The following TCF4 variants were observed in gnomAD, a reference collection of about 807,000 sequenced individuals.
TCF4 encodes the protein SL3-3 enhancer factor 2.
A neutral mutation model predicts 82.1 loss-of-function variants in TCF4; 3 were observed. The ratio of observed to expected loss-of-function variants is 0.04; its 90% CI spans 0.02 to 0.09. TCF4 has a LOEUF of 0.09. Among genes scored for constraint, TCF4 ranks in the 10% least tolerant of loss-of-function variants. The probability of loss-of-function intolerance (pLI) is 1.00; values close to 1 mark genes in which losing one functional copy is unlikely to be tolerated. For missense variants in TCF4, 518 were observed against 852.7 expected (o/e 0.61, Z 4.89); for synonymous variants, 276 against 309.6 (o/e 0.89, Z 1.14).
intron 2 of TCF4, among the ~76,000 whole-genome samples, chr18:55,599,413 A>G (rs2097694371): frequency 1.3e-5 from 2 of 152,104 alleles, no homozygotes; most frequent in Non-Finnish European, 2.9e-5. Context: ...CTTAACACAA[A>G]AACTTGAGAA....
chr18:55,558,844 A>G (rs1412860845), intron 3 of TCF4, among the ~76,000 whole-genome samples: 1 of 152,108 alleles, frequency 6.6e-6, no homozygotes, highest in Non-Finnish European at 1.5e-5. Flanking sequence ...AGTGACTTTA[A>G]TGCATTCTAG....
At chr18:55,398,032 C>T (rs1320617964) in intron 6 of TCF4, among the ~76,000 whole-genome samples, 6 of 152,098 alleles carry the variant, frequency 3.9e-5, no homozygotes, top group Non-Finnish European at 8.8e-5. Flanking sequence ...GCTCGATTTT[C>T]CCCGTTAACA....
In TCF4 at chr18:55,574,299, A is replaced by T. The variant is rs2097506056; in HGVS notation, c.145+10981T>A. Among the ~76,000 whole-genome samples, 5 of 152,140 alleles carry T rather than the reference A, an allele frequency of 3.3e-5. No homozygotes were observed. In the South Asian group the frequency reaches 1.0e-3, roughly 32 times the overall value. On this transcript the variant is annotated intron_variant, in intron 3 of 19. Transcript: ENST00000354452. ...ATATTTGAAAAGTGTCCTTTGAAAA[A>T]GTATACTTGCATATTTCAACATATT...
chr18:55,460,826 G>A (rs2095856640), intron 5 of TCF4, among the ~76,000 whole-genome samples, 193 bp downstream of exon 5: 1 of 152,140 alleles, frequency 6.6e-6, no homozygotes, highest in Non-Finnish European at 1.5e-5. Context: ...CCATATGCTT[G>A]TAAAACTTAA....
At chr18:55,290,357 T>C (rs1333590309) in intron 8 of TCF4, among the ~76,000 whole-genome samples, 2 of 152,168 alleles carry the variant, frequency 1.3e-5, no homozygotes, top group Non-Finnish European at 2.9e-5. Flanking sequence ...CCTACATCCC[T>C]GAAAGAGTTT....
At chr18:55,480,660 G>A (rs994544600) in intron 3 of TCF4, among the ~76,000 whole-genome samples, 4 of 152,270 alleles carry the variant, frequency 2.6e-5, no homozygotes, top group African/African-American at 9.6e-5. Context: ...TGTAAGGCGT[G>A]GCCCTGTTCC....
intron 3 of TCF4, among the ~76,000 whole-genome samples, chr18:55,572,737 C>T (rs904927446): frequency 6.6e-6 from 1 of 152,106 alleles, no homozygotes; most frequent in African/African-American, 2.4e-5. Context: ...ATGTTTACTG[C>T]TCATAAGAAC....
At chr18:55,438,545 T>C (rs1370438997) in intron 5 of TCF4, among the ~76,000 whole-genome samples, 1 of 152,190 alleles carries the variant, frequency 6.6e-6, no homozygotes, top group African/African-American at 2.4e-5. Context: ...GTCTAACAGC[T>C]TTCAGAGACA....
chr18:55,630,449 T>C (rs2097730484), intron 2 of TCF4, among the ~76,000 whole-genome samples: 1 of 152,174 alleles, frequency 6.6e-6, no homozygotes, highest in African/African-American at 2.4e-5. Context: ...ATATGCTAAC[T>C]GAGACTACCA....
At chr18:55,616,087 TC>T (rs2097711534) in intron 2 of TCF4, among the ~76,000 whole-genome samples, 1 of 152,126 alleles carries the variant, frequency 6.6e-6, no homozygotes, top group African/African-American at 2.4e-5. Context: ...AACTTGTTCA[TC>T]TTGCATAACT....
intron 5 of TCF4, among the ~76,000 whole-genome samples, chr18:55,410,990 A>G (rs2094321785): frequency 6.6e-6 from 1 of 152,302 alleles, no homozygotes; most frequent in Middle Eastern, 3.4e-3. Flanking sequence ...GGAGAAGTAC[A>G]CACATTATCA....
At chr18:55,275,275 G>GAAAAA (rs533160424) in intron 10 of TCF4, among the ~76,000 whole-genome samples, 64 of 71,158 alleles carry the variant, frequency 9.0e-4, no homozygotes, top group African/African-American at 1.6e-3. Context: ...ACTACAGATA[G>GAAAAA]AAAAAAAAAA....
chr18:55,327,083 G>A (rs1238431721), intron 8 of TCF4, among the ~76,000 whole-genome samples: 4 of 151,986 alleles, frequency 2.6e-5, no homozygotes, highest in African/African-American at 7.2e-5. Flanking sequence ...AACCTCTTAC[G>A]TGTATATTCC....
intron 6 of TCF4, among the ~76,000 whole-genome samples, chr18:55,403,243 T>C (rs1399825567): frequency 6.6e-6 from 1 of 152,156 alleles, no homozygotes; most frequent in East Asian, 1.9e-4. Flanking sequence ...AACAAGCCCA[T>C]GAATGTAGTT....
At chr18:55,626,710 GATATCTCTAA>G (rs2097726845) in intron 2 of TCF4, among the ~76,000 whole-genome samples, 1 of 152,094 alleles carries the variant, frequency 6.6e-6, no homozygotes, top group Non-Finnish European at 1.5e-5. Context: ...ATTTCAACAA[GATATCTCTAA>G]TATTTCCTGA....
chr18:55,434,569 G>A (rs1320622569), intron 5 of TCF4, among the ~76,000 whole-genome samples: 8 of 151,258 alleles, frequency 5.3e-5, no homozygotes, highest in South Asian at 2.1e-4. Flanking sequence ...ACAGGCACCC[G>A]CCACCACGCC....
chr18:55,353,221 A>G (rs547871965), intron 6 of TCF4, among the ~76,000 whole-genome samples: 1 of 152,318 alleles, frequency 6.6e-6, no homozygotes, highest in Admixed American at 6.5e-5. Context: ...AGCATTCACA[A>G]TAGAGCTGTG....
At chr18:55,348,073 A>G (rs1372680358) in intron 8 of TCF4, among the ~76,000 whole-genome samples, 1 of 152,210 alleles carries the variant, frequency 6.6e-6, no homozygotes, top group Non-Finnish European at 1.5e-5. Context: ...AAGTGTGACC[A>G]TGTCTACTGC....
chr18:55,463,281 T>C (rs2095910780), intron 4 of TCF4, among the ~76,000 whole-genome samples: 1 of 152,212 alleles, frequency 6.6e-6, no homozygotes, highest in South Asian at 2.1e-4. Context: ...GAAACACAGA[T>C]GATCCTCTGG....
Sources: gnomAD v4.1 joint callset for allele counts (sites outside exome capture counted in the v4.1 genomes callset) on GRCh38, gnomAD v4.1.1 for gene constraint, MANE v1.5 for transcripts, NCBI Gene and HGNC (gene_info 2026-07-23, HGNC 2026-07-21) for gene names.